Variants in HERC2 observed in about 807,000 individuals in gnomAD.
HERC2 encodes E3 ubiquitin-protein ligase HERC2.
In HERC2, 102 loss-of-function variants were observed where a neutral mutation model predicts 537.7. That is an observed-to-expected ratio of 0.19 (90% CI 0.16 to 0.22). The LOEUF (loss-of-function observed/expected upper bound fraction) is 0.22. Ranked by LOEUF, HERC2 falls within the 10% of genes least tolerant of loss-of-function variation. HERC2 has a pLI of 1.00. For synonymous variants in HERC2, 2,224 were observed against 2,466.2 expected, an observed-to-expected ratio of 0.90 and a Z score of 2.91; for missense variants, 4,236 against 6,198.2, an observed-to-expected ratio of 0.68 and a Z score of 10.63.
chr15:28,130,476 G>T, intron 82 of HERC2, 27 bp downstream of exon 82: 1 of 1,605,838 alleles, frequency 6.2e-7, no homozygotes, highest in Non-Finnish European at 8.5e-7. Context: ...GGTTTTAGTG[G>T]GTTTAAACAA....
At chr15:28,249,215 CCTGCATTGCCACAT>C (rs1904022752) in intron 20 of HERC2, among the ~76,000 whole-genome samples, 1 of 152,198 alleles carries the variant, frequency 6.6e-6, no homozygotes, top group Non-Finnish European at 1.5e-5. Context: ...ACAAGACTCG[CCTGCATTGCCACAT>C]CTGCCTTGCA....
intron 78 of HERC2, among the ~76,000 whole-genome samples, chr15:28,137,173 G>C (rs533045210): frequency 6.6e-6 from 1 of 152,186 alleles, no homozygotes; most frequent in Non-Finnish European, 1.5e-5. Context: ...AAAATAACCA[G>C]AGAAACAATG....
rs981260869 is a variant in HERC2, at chr15:28,218,792, C to T, written c.5846-121G>A. Reference sequence around the variant, plus strand: ...TTTATTGAAGACTTGAATTTTAGTGCAGTTTTAGGTTCACGCAAAATTGAA... The same window carrying T: ...TTTATTGAAGACTTGAATTTTAGTGTAGTTTTAGGTTCACGCAAAATTGAA... On this transcript the variant is annotated intron_variant, in intron 37 of 92. Transcript: ENST00000261609. The T allele has an allele frequency of 1.8e-5, 16 of 902,314 alleles. No individual in the cohort carries two copies. The African/African-American group carries it at 2.5e-4, about 14-fold the overall frequency. The allele number at this position is 902,314 out of a possible 1,614,324, so 55.9% of individuals were successfully genotyped here. A position where few individuals can be genotyped will look rare whatever the true frequency, so the allele number is the denominator to read the frequency against.
At chr15:28,147,960 C>T (rs1488986251) in intron 70 of HERC2, among the ~76,000 whole-genome samples, 1 of 151,300 alleles carries the variant, frequency 6.6e-6, no homozygotes, top group Non-Finnish European at 1.5e-5. Flanking sequence ...CGGCTTGAGC[C>T]TGGGAGGTCG....
In HERC2 at chr15:28,215,744, A is replaced by G. The variant is rs1173325691; in HGVS notation, c.6087T>C (p.Phe2029=). 6.2e-7 allele frequency: 1 copy of G among 1,612,018 alleles called. No individual in the cohort carries two copies. Among genetic ancestry groups the G allele is most frequent in the East Asian group, 2.2e-5 (1 of 44,884 alleles). Residue 2029 remains phenylalanine, a synonymous_variant, in exon 39 of 93, where the codon TTT becomes TTC. Transcript: ENST00000261609. ...GCGGCGTGAGAGCGATGCTCCGCAC[A>G]AACCCCAGCGTGCACCAGCTCCGGT... The part of the protein sequence containing the change: ...EQHRSWCTLG[F]VRSIALTPQV...
intron 20 of HERC2, among the ~76,000 whole-genome samples, chr15:28,252,290 G>A (rs750900670): frequency 1.4e-4 from 22 of 151,920 alleles, no homozygotes; most frequent in Non-Finnish European, 2.8e-4. Context: ...CTCGGTGCAC[G>A]GGAACATTCT....
intron 50 of HERC2, among the ~76,000 whole-genome samples, chr15:28,197,131 T>C (rs970667771): frequency 6.6e-6 from 1 of 152,232 alleles, no homozygotes; most frequent in Non-Finnish European, 1.5e-5. Context: ...TTTGTTTTTA[T>C]GTAACATGAG....
At chr15:28,281,890 T>A (rs1166516777) in intron 4 of HERC2, among the ~76,000 whole-genome samples, 1 of 151,580 alleles carries the variant, frequency 6.6e-6, no homozygotes, top group East Asian at 2.0e-4. Context: ...AAATAATACA[T>A]CTCCCTTCTG....
At chr15:28,219,256 T>G (rs567338095) in intron 37 of HERC2, among the ~76,000 whole-genome samples, 194 of 152,238 alleles carry the variant, frequency 1.3e-3, no homozygotes, top group Non-Finnish European at 2.3e-3. Flanking sequence ...CAGACGCTCA[T>G]GCAGCCCGCT....
chr15:28,307,991 C>T (rs1251529125), intron 2 of HERC2, among the ~76,000 whole-genome samples: 2 of 151,788 alleles, frequency 1.3e-5, no homozygotes, highest in East Asian at 3.8e-4. Context: ...TCTGATTCCT[C>T]CAGTTTGTTT....
Position 28,113,165 on chromosome 15 carries a change from T to A in HERC2, c.14138A>T (p.Asn4713Ile). 6.2e-7 allele frequency: 1 copy of A among 1,614,060 alleles called. No individual in the cohort carries two copies. The highest frequency in any genetic ancestry group is 1.1e-5 in the South Asian group (1 of 91,082). ...WFWEVMESFSNTERSLFLRFV... is the reference protein window; with the variant it reads ...WFWEVMESFSITERSLFLRFV... ...GCGAAGGAAAAGAGAGCGCTCTGTG[T>A]TGGAGAAGGACTCCATCACCTCCCA... is the stretch of plus-strand genomic sequence containing the variant. Residue 4713 changes from asparagine to isoleucine, a missense_variant, in exon 92 of 93, where the codon AAC (asparagine) becomes ATC (isoleucine). This residue lies in a region of HERC2 where 313 missense variants were observed against 462.6 expected (regional missense o/e 0.68). Coordinates refer to ENST00000261609, the MANE Select transcript of HERC2 (RefSeq NM_004667.6). The surrounding 1 kb of genome is among the most constrained non-coding windows in gnomAD (Gnocchi z 7.0).
At chr15:28,206,616 A>C (rs150246661) in intron 44 of HERC2, among the ~76,000 whole-genome samples, 1 of 151,334 alleles carries the variant, frequency 6.6e-6, no homozygotes, top group African/African-American at 2.5e-5. Flanking sequence ...GGTGGATCAC[A>C]AGGTCAGGAT....
chr15:28,184,190 C>CAA (rs991716534), intron 56 of HERC2, among the ~76,000 whole-genome samples: 2 of 152,058 alleles, frequency 1.3e-5, no homozygotes, highest in Non-Finnish European at 2.9e-5. Flanking sequence ...GACCCTATCT[C>CAA]AAAATATATA....
chr15:28,184,691 C>A (rs1054444885), intron 56 of HERC2, among the ~76,000 whole-genome samples: 1 of 151,652 alleles, frequency 6.6e-6, no homozygotes, highest in Non-Finnish European at 1.5e-5. Context: ...GAAAGCCCGT[C>A]TCTACTAAAA....
chr15:28,167,548 C>T lies in HERC2; in HGVS notation c.10554+139G>A, dbSNP rs556816408. The T allele has an allele frequency of 1.1e-4, 105 of 978,672 alleles. 1 individual carries two copies. The South Asian group carries it at 1.5e-3, about 14-fold the overall frequency. 60.6% of individuals were successfully genotyped at this position (978,672 alleles called of 1,614,324 possible). On this transcript the variant is annotated intron_variant, in intron 68 of 92. Coordinates refer to ENST00000261609, the MANE Select transcript of HERC2 (RefSeq NM_004667.6). Reference sequence around the variant, plus strand: ...GTGTCCTGCGGCATTCCCACAAACGCTTCGAAGATGCTAACAAGTGGACAG... The same window carrying T: ...GTGTCCTGCGGCATTCCCACAAACGTTTCGAAGATGCTAACAAGTGGACAG...
In HERC2 at chr15:28,268,253, A is replaced by T. The variant is rs1235411074; in HGVS notation, c.1598+212T>A. Among the ~76,000 whole-genome samples, 1 of 152,130 alleles carries T rather than the reference A, an allele frequency of 6.6e-6. No homozygotes were observed. Among genetic ancestry groups the T allele is most frequent in the Non-Finnish European group, 1.5e-5 (1 of 68,022 alleles). ...GCCAAGGCTGCACGGGGTCAAGAAG[A>T]ACAGAAAGGCCAATTCCCGTTGCCC... On this transcript the variant is annotated intron_variant, in intron 12 of 92. Transcript: ENST00000261609. The surrounding 1 kb of genome is among the most constrained non-coding windows in gnomAD (Gnocchi z 4.7).
At chr15:28,137,952 G>C (rs917704766) in intron 78 of HERC2, among the ~76,000 whole-genome samples, 1 of 152,206 alleles carries the variant, frequency 6.6e-6, no homozygotes, top group African/African-American at 2.4e-5. Flanking sequence ...CAAATGATGA[G>C]AATGCAAAAC....
In HERC2 at chr15:28,286,042, G is replaced by A. The variant is rs551812515; in HGVS notation, c.323-5755C>T. ...ACTGAATTCATAATTCAAAGAATCC[G>A]AAAAAAAAGAAATTACCAGACCCAA... On this transcript the variant is annotated intron_variant, in intron 4 of 92. Coordinates refer to ENST00000261609, the MANE Select transcript of HERC2 (RefSeq NM_004667.6). 3.4e-3 allele frequency among the ~76,000 whole-genome samples: 509 copies of A among 151,226 alleles called. 3 individuals carry two copies. Among genetic ancestry groups the A allele is most frequent in the African/African-American group, 0.012 (477 of 41,252 alleles).
rs193014113 is a variant in HERC2 at position 28,214,257 on chromosome 15, C to T, written c.6374G>A (p.Arg2125Gln). ...VPLLRESTLRRRRVRPQASLT... is the reference protein window; with the variant it reads ...VPLLRESTLRQRRVRPQASLT... ...CGAGGCCTGCGGGCGCACCCTGCGCCGCCTCAGCGTGGACTCTGAGGAGGA... is the reference window on the plus strand; with the variant it reads ...CGAGGCCTGCGGGCGCACCCTGCGCTGCCTCAGCGTGGACTCTGAGGAGGA... Residue 2125 changes from arginine to glutamine, a missense_variant, in exon 41 of 93, where the codon CGG becomes CAG. Transcript: ENST00000261609. The T allele has an allele frequency of 2.1e-5, 34 of 1,611,620 alleles. No homozygotes were observed. In the Middle Eastern group the frequency reaches 6.8e-4, roughly 32 times the overall value.
Sources: allele counts gnomAD v4.1 joint callset (sites outside exome capture counted in the v4.1 genomes callset), GRCh38; gene constraint gnomAD v4.1.1; regional missense constraint gnomAD v4.1.1; non-coding constraint Gnocchi (gnomAD v3.1); transcripts MANE v1.5; gene names NCBI Gene and HGNC (gene_info 2026-07-23, HGNC 2026-07-21).